ACSM6: variants seen among roughly 807,000 people sequenced by gnomAD.
ACSM6 encodes the protein acyl-coenzyme A synthetase ACSM6, mitochondrial.
In ACSM6, 35 loss-of-function variants were observed where a neutral mutation model predicts 51.1. That is an observed-to-expected ratio of 0.69 (90% CI 0.52 to 0.91). The LOEUF (loss-of-function observed/expected upper bound fraction) is 0.91, where lower values mean the gene tolerates loss of function less well. Ranked by LOEUF, ACSM6 falls within the 40% of genes least tolerant of loss-of-function variation. The pLI, the probability that ACSM6 is intolerant of heterozygous loss-of-function variation, is 0.00. For synonymous variants in ACSM6, 172 were observed against 207.3 expected (o/e 0.83, Z 1.46); for missense variants, 509 against 584.1 (o/e 0.87, Z 1.32).
At position 95,197,519 on chromosome 10, in the gene ACSM6, A is replaced by G. The variant is rs201597939; in HGVS notation, c.192+2842A>G. 6.0e-3 allele frequency among the ~76,000 whole-genome samples: 905 copies of G among 151,824 alleles called. 14 individuals are homozygous for G. In the East Asian group the frequency reaches 0.076, roughly 13 times the overall value. ...GAAGGTACTATGCCTGGATGTGCAC[A>G]TAAGCCAGATTTATGTTTCTCTCCA... On this transcript the variant is annotated intron_variant, in intron 2 of 10. Coordinates refer to ENST00000341686, the Ensembl canonical transcript of ACSM6.
intron 5 of ACSM6, 54 bp downstream of exon 5, chr10:95,210,847 A>AG: frequency 6.4e-7 from 1 of 1,567,914 alleles, no homozygotes; most frequent in South Asian, 1.2e-5. Flanking sequence ...TTGCAGGTAA[A>AG]GGGAGCTTCA....
chr10:95,197,286 T>C (rs930211173), intron 2 of ACSM6, among the ~76,000 whole-genome samples: 4 of 152,136 alleles, frequency 2.6e-5, no homozygotes, highest in African/African-American at 7.2e-5. Flanking sequence ...AGACAAAGTA[T>C]AGAGAAACAA....
intron 3 of ACSM6, among the ~76,000 whole-genome samples, chr10:95,206,288 TAATGTTTTCAA>T (rs1467888075): frequency 6.6e-6 from 1 of 152,244 alleles, no homozygotes; most frequent in Non-Finnish European, 1.5e-5. Flanking sequence ...TCAGTTACCA[TAATGTTTTCAA>T]GGTTCACCCA....
intron 6 of ACSM6, 96 bp from the exon 7 acceptor site, chr10:95,212,762 C>A: frequency 1.1e-6 from 1 of 933,256 alleles, no homozygotes; most frequent in Non-Finnish European, 1.7e-6. Flanking sequence ...GTCTGTGACC[C>A]TCTTCCCTGG....
intron 3 of ACSM6, among the ~76,000 whole-genome samples, chr10:95,206,058 A>G (rs562013637): frequency 5.9e-5 from 9 of 152,184 alleles, no homozygotes; most frequent in Non-Finnish European, 8.8e-5. Flanking sequence ...GTACAAATCC[A>G]TGGTTTTTAG....
chr10:95,219,951 T>C (rs753683098), exon 9 of ACSM6: 1 of 1,612,714 alleles, frequency 6.2e-7, no homozygotes, highest in Non-Finnish European at 8.5e-7. Context: ...GGGGAAGCCA[T>C]TGCCACCTTA....
At chr10:95,218,843 A>G (rs934787371) in intron 8 of ACSM6, among the ~76,000 whole-genome samples, 4 of 151,756 alleles carry the variant, frequency 2.6e-5, no homozygotes, top group African/African-American at 9.7e-5. Context: ...CTAGAGAGAG[A>G]TTACTATGGC....
At chr10:95,228,721 C>T (rs1440139930) in exon 11 of ACSM6, 8 of 1,551,764 alleles carry the variant, frequency 5.2e-6, no homozygotes, top group East Asian at 2.4e-5. Context: ...TGGATGAAGA[C>T]GGCTACTTCT....
intron 2 of ACSM6, among the ~76,000 whole-genome samples, chr10:95,197,009 A>G (rs2034732878): frequency 6.6e-6 from 1 of 152,104 alleles, no homozygotes; most frequent in Admixed American, 6.5e-5. Context: ...AAGTGAAATT[A>G]CTCCATCAAA....
At chr10:95,207,404 G>A (rs753945752) in exon 4 of ACSM6, 21 of 1,614,126 alleles carry the variant, frequency 1.3e-5, no homozygotes, top group Non-Finnish European at 1.7e-5. Flanking sequence ...TGGATTTCAA[G>A]AAGTTGATTC....
At chr10:95,217,725 G>C (rs11188227) in intron 8 of ACSM6, among the ~76,000 whole-genome samples, 54,393 of 152,058 alleles carry the variant, frequency 0.36, 10,159 homozygotes, top group Non-Finnish European at 0.39. Context: ...CAGCCAAATT[G>C]ATAGCCTAGG....
At chr10:95,223,339 T>C (rs998362645) in intron 9 of ACSM6, among the ~76,000 whole-genome samples, 11 of 152,028 alleles carry the variant, frequency 7.2e-5, no homozygotes, top group African/African-American at 2.7e-4. Flanking sequence ...GGGGTCATAG[T>C]ATGAGCCAGG....
In ACSM6 at chr10:95,219,719, T is replaced by C. The variant is rs528301980; in HGVS notation, c.1120-172T>C. ...CCCCTGCATTTCCTGTAAATTGACC[T>C]AGAGGTTAATTTAGTCACACTCCTG... On this transcript the variant is annotated intron_variant, in intron 8 of 10. Transcript: ENST00000341686. 2.5e-3 allele frequency among the ~76,000 whole-genome samples: 381 copies of C among 152,338 alleles called. 1 individual carries two copies. The highest frequency in any genetic ancestry group is 8.9e-3 in the African/African-American group (372 of 41,584).
chr10:95,201,478 G>C (rs1218043170), intron 2 of ACSM6: 1 of 455,538 alleles, frequency 2.2e-6, no homozygotes, highest in African/African-American at 2.0e-5. Context: ...TGCTGCAAAA[G>C]ACAGGATTTC....
Position 95,208,601 on chromosome 10 carries a change from C to T in ACSM6, c.611+1186C>T, listed in dbSNP as rs1259118520. 7.9e-5 allele frequency among the ~76,000 whole-genome samples: 12 copies of T among 152,140 alleles called. No homozygotes were observed. The East Asian group carries it at 1.9e-3, about 24-fold the overall frequency. ...CCCTTATCTGTGGCTTTGTTTTCTGCGGTTTCAGTTACCTGTGGTCAACTA... is the reference window on the plus strand; with the variant it reads ...CCCTTATCTGTGGCTTTGTTTTCTGTGGTTTCAGTTACCTGTGGTCAACTA... On this transcript the variant is annotated intron_variant, in intron 4 of 10. Coordinates refer to ENST00000341686, the Ensembl canonical transcript of ACSM6.
At chr10:95,217,357 A>T (rs2133387948) in intron 8 of ACSM6, among the ~76,000 whole-genome samples, 1 of 148,364 alleles carries the variant, frequency 6.7e-6, no homozygotes, top group South Asian at 2.1e-4. Context: ...AAAAAAAAAA[A>T]AGAAAAAGAA....
chr10:95,217,416 T>A (rs753440771), intron 8 of ACSM6, among the ~76,000 whole-genome samples: 1 of 151,474 alleles, frequency 6.6e-6, no homozygotes, highest in Admixed American at 6.6e-5. Flanking sequence ...CACTGCCAGA[T>A]GGTCCATAAA....
At chr10:95,197,876 G>T (rs2034750466) in intron 2 of ACSM6, among the ~76,000 whole-genome samples, 1 of 152,246 alleles carries the variant, frequency 6.6e-6, no homozygotes, top group South Asian at 2.1e-4. Flanking sequence ...GCTTTCAAGG[G>T]CAGAAGTCCC....
At chr10:95,200,635 A>G (rs1295155079) in intron 2 of ACSM6, among the ~76,000 whole-genome samples, 1 of 134,182 alleles carries the variant, frequency 7.5e-6, no homozygotes, top group African/African-American at 2.8e-5. Context: ...AGAAGACTCT[A>G]AACAGGTCAG....
Sources: gnomAD v4.1 joint callset for allele counts (sites outside exome capture counted in the v4.1 genomes callset) on GRCh38, gnomAD v4.1.1 for gene constraint, MANE v1.5 for transcripts, NCBI Gene and HGNC (gene_info 2026-07-23, HGNC 2026-07-21) for gene names.